The following CDH20 variants were observed in gnomAD, a reference collection of about 807,000 sequenced individuals.
The protein encoded by CDH20 is cadherin 20.
Under a neutral mutation model 74.2 loss-of-function variants are expected in CDH20, and 29 were observed. That is an observed-to-expected ratio of 0.39 (90% CI 0.29 to 0.53). CDH20 has a LOEUF of 0.53. CDH20 is among the 20% of genes least tolerant of loss of function. The probability of loss-of-function intolerance (pLI) is 0.69; values close to 1 mark genes in which losing one functional copy is unlikely to be tolerated. For synonymous variants in CDH20, 469 were observed against 405.4 expected (o/e 1.16, Z -1.88); for missense variants, 988 against 1,048.3 (o/e 0.94, Z 0.79).
chr18:61,348,772 C>T (rs901000482), intron 1 of CDH20, among the ~76,000 whole-genome samples: 6 of 152,028 alleles, frequency 3.9e-5, no homozygotes, highest in East Asian at 1.9e-4. Context: ...AAGGAACATT[C>T]GGAGGGGAAT....
chr18:61,426,200 A>G (rs1278344891), intron 1 of CDH20, among the ~76,000 whole-genome samples: 1 of 152,120 alleles, frequency 6.6e-6, no homozygotes, highest in Non-Finnish European at 1.5e-5. Flanking sequence ...ATAAAATAAA[A>G]TAAAATAAAA....
At chr18:61,400,655 G>A (rs1471810416) in intron 1 of CDH20, among the ~76,000 whole-genome samples, 2 of 152,156 alleles carry the variant, frequency 1.3e-5, no homozygotes, top group Non-Finnish European at 2.9e-5. Flanking sequence ...GCTTCTGCCA[G>A]ATTCAGGTAA....
intron 1 of CDH20, among the ~76,000 whole-genome samples, chr18:61,397,641 C>T (rs1037312029): frequency 1.3e-5 from 2 of 152,112 alleles, no homozygotes; most frequent in East Asian, 1.9e-4. Context: ...ACTGTAAATT[C>T]CAGGAGAACA....
chr18:61,428,069 T>C (rs1451188586), intron 1 of CDH20, among the ~76,000 whole-genome samples: 2 of 152,170 alleles, frequency 1.3e-5, no homozygotes, highest in African/African-American at 4.8e-5. Context: ...GCTGTAAGAT[T>C]GGCACAAGCT....
chr18:61,363,031 TA>T (rs1235630006), intron 1 of CDH20, among the ~76,000 whole-genome samples: 2 of 152,162 alleles, frequency 1.3e-5, no homozygotes, highest in Non-Finnish European at 2.9e-5. Flanking sequence ...CATCGTGACT[TA>T]AGGGGCAGAA....
chr18:61,446,640 T>A (rs1909213023), intron 1 of CDH20, among the ~76,000 whole-genome samples: 1 of 152,142 alleles, frequency 6.6e-6, no homozygotes, highest in South Asian at 2.1e-4. Context: ...GTTCTTCTAA[T>A]CCCCCTAATT....
intron 1 of CDH20, among the ~76,000 whole-genome samples, chr18:61,407,008 G>T (rs1423281320): frequency 6.6e-6 from 1 of 152,202 alleles, no homozygotes; most frequent in East Asian, 1.9e-4. Flanking sequence ...CTTTTACCAT[G>T]TGGTACATAC....
chr18:61,468,999 C>A (rs927804231), intron 1 of CDH20, among the ~76,000 whole-genome samples: 5 of 152,062 alleles, frequency 3.3e-5, no homozygotes, highest in African/African-American at 1.2e-4. Flanking sequence ...CCCCTCCCCT[C>A]AAAAATCCTA....
intron 1 of CDH20, among the ~76,000 whole-genome samples, chr18:61,464,640 C>T (rs1179712132): frequency 1.3e-5 from 2 of 152,202 alleles, no homozygotes; most frequent in African/African-American, 4.8e-5. Flanking sequence ...CCTGCCAAAA[C>T]TATCCTCACT....
At chr18:61,401,068 A>G (rs1912136311) in intron 1 of CDH20, among the ~76,000 whole-genome samples, 2 of 152,254 alleles carry the variant, frequency 1.3e-5, no homozygotes, top group Admixed American at 1.3e-4. Flanking sequence ...ATATCAAACT[A>G]TGCTCTCCGT....
At chr18:61,507,201 T>C (rs1044402072) in intron 5 of CDH20, among the ~76,000 whole-genome samples, 172 bp from the exon 6 acceptor site, 1 of 152,224 alleles carries the variant, frequency 6.6e-6, no homozygotes, top group South Asian at 2.1e-4. Context: ...ATGGCCTGTA[T>C]GACCGTTTGC....
chr18:61,398,178 G>A (rs1912044968), intron 1 of CDH20, among the ~76,000 whole-genome samples: 1 of 152,224 alleles, frequency 6.6e-6, no homozygotes, highest in African/African-American at 2.4e-5. Context: ...ATGAATGAGA[G>A]TCTGAACGGG....
chr18:61,369,727 T>C (rs1182332730), intron 1 of CDH20, among the ~76,000 whole-genome samples: 2 of 152,046 alleles, frequency 1.3e-5, no homozygotes, highest in African/African-American at 2.4e-5. Flanking sequence ...TGAAATACTA[T>C]GCCATAAAAA....
intron 1 of CDH20, among the ~76,000 whole-genome samples, chr18:61,423,574 C>CT (rs960938415): frequency 3.9e-4 from 58 of 148,988 alleles, no homozygotes; most frequent in East Asian, 1.2e-3. Context: ...CTGGAAATTT[C>CT]TTTTTTTTTT....
Position 61,490,395 on chromosome 18 carries a change from T to G in CDH20, c.-152-7T>G. 1 of 704,508 alleles carries G rather than the reference T, an allele frequency of 1.4e-6. No homozygotes were observed. The highest frequency in any genetic ancestry group is 1.9e-5 in the South Asian group (1 of 53,014). 43.6% of individuals were successfully genotyped at this position (704,508 alleles called of 1,614,324 possible). On this transcript the variant is annotated splice_region_variant and splice_polypyrimidine_tract_variant and intron_variant, in intron 1 of 11. Transcript: ENST00000262717. The stretch of plus-strand genomic sequence containing the variant: ...ATCATCACACTGTGTTTTCCTTAAC[T>G]TGACAGGAAGTCAACTTCAAGCAGA...
At chr18:61,525,833 A>G (rs1167745771) in intron 6 of CDH20, among the ~76,000 whole-genome samples, 1 of 152,058 alleles carries the variant, frequency 6.6e-6, no homozygotes, top group Non-Finnish European at 1.5e-5. Context: ...TTTTGAGACA[A>G]GGTGTCTCCG....
chr18:61,385,640 T>A (rs928300801), intron 1 of CDH20, among the ~76,000 whole-genome samples: 15 of 151,978 alleles, frequency 9.9e-5, no homozygotes, highest in African/African-American at 3.6e-4. Flanking sequence ...TAAAAGATAT[T>A]AACAGTTTAC....
intron 10 of CDH20, among the ~76,000 whole-genome samples, chr18:61,549,680 T>A (rs1913365651): frequency 6.6e-6 from 1 of 152,116 alleles, no homozygotes. Flanking sequence ...ACATTTTTGT[T>A]AGATCTGAAG....
At chr18:61,444,645 A>T (rs1909143194) in intron 1 of CDH20, among the ~76,000 whole-genome samples, 1 of 152,188 alleles carries the variant, frequency 6.6e-6, no homozygotes, top group African/African-American at 2.4e-5. Flanking sequence ...GAGAGGTGCA[A>T]GTCCTGTGCA....
Sources: gnomAD v4.1 joint callset for allele counts (sites outside exome capture counted in the v4.1 genomes callset) on GRCh38, gnomAD v4.1.1 for gene constraint, MANE v1.5 for transcripts, NCBI Gene and HGNC (gene_info 2026-07-23, HGNC 2026-07-21) for gene names.